The following SDCCAG8 variants were observed in gnomAD, a reference collection of about 807,000 sequenced individuals.
SDCCAG8 encodes the protein SHH signaling and ciliogenesis regulator SDCCAG8, also known as serologically defined colon cancer antigen 8.
SDCCAG8 carries 74 observed loss-of-function variants against 101.8 expected under a neutral mutation model. The observed-to-expected ratio is 0.73, with a 90% CI of 0.60 to 0.88. The LOEUF is 0.88. Ranked by LOEUF, SDCCAG8 falls within the 40% of genes least tolerant of loss-of-function variation. The pLI, the probability that SDCCAG8 is intolerant of heterozygous loss-of-function variation, is 0.00. For synonymous variants in SDCCAG8, 281 were observed against 292.9 expected, an observed-to-expected ratio of 0.96 and a Z score of 0.41; for missense variants, 787 against 822.6, an observed-to-expected ratio of 0.96 and a Z score of 0.53.
At chr1:243,264,675 C>G (rs924231749) in intron 1 of SDCCAG8, among the ~76,000 whole-genome samples, 4 of 152,122 alleles carry the variant, frequency 2.6e-5, no homozygotes, top group African/African-American at 9.7e-5. Flanking sequence ...CAGCCATTAG[C>G]TCAGGTACCT....
chr1:243,398,961 C>T (rs2079196450), intron 13 of SDCCAG8, among the ~76,000 whole-genome samples: 4 of 152,204 alleles, frequency 2.6e-5, no homozygotes, highest in Admixed American at 2.6e-4. Context: ...CTGCACTAGG[C>T]ACTATGTAAA....
At position 243,259,362 on chromosome 1, in the gene SDCCAG8, G is replaced by C. The variant is rs193045402; in HGVS notation, c.67+3122G>C. 3.7e-3 allele frequency among the ~76,000 whole-genome samples: 556 copies of C among 151,946 alleles called. 1 individual carries two copies. The highest frequency in any genetic ancestry group is 0.013 in the African/African-American group (526 of 41,460). On this transcript the variant is annotated intron_variant, in intron 1 of 17. Coordinates refer to ENST00000366541, the MANE Select transcript of SDCCAG8 (RefSeq NM_006642.5). ...GTGGAGCTTGCAGTGAGCCGAGATCGCGCCACTGCACTCCAGCCTGGGCGA... is the reference window on the plus strand; with the variant it reads ...GTGGAGCTTGCAGTGAGCCGAGATCCCGCCACTGCACTCCAGCCTGGGCGA...
intron 4 of SDCCAG8, among the ~76,000 whole-genome samples, chr1:243,284,383 T>C (rs2069378136): frequency 6.6e-6 from 1 of 152,240 alleles, no homozygotes; most frequent in African/African-American, 2.4e-5. Context: ...GTCTGAGATA[T>C]GCAGTTCTTT....
At chr1:243,259,582 G>T (rs2067036124) in intron 1 of SDCCAG8, among the ~76,000 whole-genome samples, 1 of 152,126 alleles carries the variant, frequency 6.6e-6, no homozygotes, top group South Asian at 2.1e-4. Context: ...CACTTTGGGA[G>T]GCCGAGGCGG....
chr1:243,324,635 G>A (rs895549700), intron 9 of SDCCAG8, among the ~76,000 whole-genome samples: 3 of 151,666 alleles, frequency 2.0e-5, no homozygotes, highest in Admixed American at 1.3e-4. Flanking sequence ...TATACTTCAC[G>A]TATTCTTATA....
Position 243,489,035 on chromosome 1 carries a change from C to T in SDCCAG8, c.2007C>T (p.His669=), listed in dbSNP as rs1336926482. 1 of 1,613,424 alleles carries T rather than the reference C, an allele frequency of 6.2e-7. No homozygotes were observed. Among genetic ancestry groups the T allele is most frequent in the Admixed American group, 1.7e-5 (1 of 60,020 alleles). ...CCAGGCTAAGGCAGCTGGATAAGCA[C>T]AGCCAGGCCACAGCCCAGCAGCTGG... ...MKQRLRQLDK[H]SQATAQQLVQ... The change falls in exon 17 of 18, where the codon CAC becomes CAT. Residue 669 remains histidine, a synonymous_variant. Transcript: ENST00000366541.
At chr1:243,488,930 G>A in intron 16 of SDCCAG8, 84 bp from the exon 17 acceptor site, 1 of 1,603,028 alleles carries the variant, frequency 6.2e-7, no homozygotes, top group Non-Finnish European at 8.5e-7. Flanking sequence ...CCTATCAGGG[G>A]CTTCCCTCAG....
At chr1:243,380,625 G>A (rs1476175373) in intron 13 of SDCCAG8, among the ~76,000 whole-genome samples, 2 of 151,888 alleles carry the variant, frequency 1.3e-5, no homozygotes, top group Non-Finnish European at 2.9e-5. Context: ...AAATGGACGA[G>A]TGGTAACTAA....
chr1:243,422,671 A>G (rs939500190), intron 15 of SDCCAG8, among the ~76,000 whole-genome samples: 7 of 152,144 alleles, frequency 4.6e-5, no homozygotes, highest in African/African-American at 1.7e-4. Context: ...TAAAAATTAT[A>G]TTTTCTACAA....
chr1:243,328,640 C>G (rs2074381329), intron 9 of SDCCAG8, among the ~76,000 whole-genome samples: 1 of 152,154 alleles, frequency 6.6e-6, no homozygotes, highest in South Asian at 2.1e-4. Flanking sequence ...CATCATCAGC[C>G]ATTGGTGGTG....
At chr1:243,391,644 TGG>T (rs1456166883) in intron 13 of SDCCAG8, among the ~76,000 whole-genome samples, 1 of 149,052 alleles carries the variant, frequency 6.7e-6, no homozygotes, top group Non-Finnish European at 1.5e-5. Flanking sequence ...TTCCCCAGGG[TGG>T]GCACCAGTGA....
rs1020194959 is a variant in SDCCAG8 at position 243,296,292 on chromosome 1, G to A, written c.675+3073G>A. On this transcript the variant is annotated intron_variant, in intron 6 of 17. Coordinates refer to ENST00000366541, the MANE Select transcript of SDCCAG8 (RefSeq NM_006642.5). ...ATTACATGTGTGAACCACTGCACCC[G>A]GCCAATAGTTTATTCTTAGCAGAAT... 4.6e-5 allele frequency among the ~76,000 whole-genome samples: 7 copies of A among 152,058 alleles called. No individual in the cohort carries two copies. The East Asian group carries it at 5.8e-4, about 13-fold the overall frequency.
chr1:243,443,809 C>CGAGG (rs1170914590), intron 16 of SDCCAG8, among the ~76,000 whole-genome samples: 2 of 152,078 alleles, frequency 1.3e-5, no homozygotes, highest in Admixed American at 6.6e-5. Flanking sequence ...TTCACATGCT[C>CGAGG]TCCTCCCCTC....
intron 12 of SDCCAG8, chr1:243,346,155 T>C (rs566046810): frequency 1.3e-4 from 20 of 154,506 alleles, no homozygotes; most frequent in Admixed American, 3.3e-4. Context: ...TGGTGTCTCA[T>C]TCCATGGATG....
chr1:243,348,430 C>T (rs1483991305), intron 12 of SDCCAG8, among the ~76,000 whole-genome samples: 1 of 151,888 alleles, frequency 6.6e-6, no homozygotes, highest in South Asian at 2.1e-4. Context: ...TCTAAACACA[C>T]ATTCAGGATT....
chr1:243,339,607 A>G (rs2075267722), intron 10 of SDCCAG8, among the ~76,000 whole-genome samples: 1 of 152,238 alleles, frequency 6.6e-6, no homozygotes, highest in South Asian at 2.1e-4. Flanking sequence ...TAAGTCAAAT[A>G]TGAAATTCTC....
chr1:243,322,874 C>T (rs1453701346), intron 9 of SDCCAG8, among the ~76,000 whole-genome samples: 2 of 152,004 alleles, frequency 1.3e-5, no homozygotes, highest in East Asian at 3.9e-4. Context: ...CAGTGGCTCA[C>T]GCCTGTAATC....
rs113830682 is a variant in SDCCAG8, at chr1:243,435,738, A to ATG, written c.1985+9198_1985+9199dup. Among the ~76,000 whole-genome samples, 79 of 150,280 alleles carry ATG rather than the reference A, an allele frequency of 5.3e-4. 1 individual carries two copies. Among genetic ancestry groups the ATG allele is most frequent in the South Asian group, 4.2e-3 (20 of 4,732 alleles). ...GTTCTAAGTGTTTGTGAACATGTGA[A>ATG]TGTGTGTGTGTGTGTGTGTCCTCTA... On this transcript the variant is annotated intron_variant, in intron 16 of 17. Transcript: ENST00000366541.
intron 9 of SDCCAG8, among the ~76,000 whole-genome samples, chr1:243,324,284 G>A (rs1015728829): frequency 8.6e-5 from 13 of 151,878 alleles, no homozygotes; most frequent in African/African-American, 2.2e-4. Flanking sequence ...CATCTTCACC[G>A]CAGTCCTGGC....
Sources: gnomAD v4.1 joint callset for allele counts (sites outside exome capture counted in the v4.1 genomes callset) on GRCh38, gnomAD v4.1.1 for gene constraint, MANE v1.5 for transcripts, NCBI Gene and HGNC (gene_info 2026-07-23, HGNC 2026-07-21) for gene names.